The following HS1BP3 variants were observed in gnomAD, a reference collection of about 807,000 sequenced individuals.
HS1BP3 encodes the protein HCLS1 binding protein 3, also known as HCLS1-binding protein 3.
A neutral mutation model predicts 33.5 loss-of-function variants in HS1BP3; 32 were observed. The ratio of observed to expected loss-of-function variants is 0.95; its 90% CI spans 0.72 to 1.28. The LOEUF is 1.28. HS1BP3 is among the 50% of genes most tolerant of loss of function. HS1BP3 has a pLI of 0.00. For synonymous variants in HS1BP3, 187 were observed against 209.2 expected, an observed-to-expected ratio of 0.89 and a Z score of 0.92; for missense variants, 486 against 502.3, an observed-to-expected ratio of 0.97 and a Z score of 0.31.
rs866062041 is a variant in HS1BP3 at position 20,599,650 on chromosome 2, T to A, written c.179-1385A>T. 3.8e-3 allele frequency among the ~76,000 whole-genome samples: 424 copies of A among 110,960 alleles called. 4 individuals are homozygous for A. Among genetic ancestry groups the A allele is most frequent in the African/African-American group, 0.014 (398 of 27,768 alleles). 72.8% of individuals were successfully genotyped at this position (110,960 alleles called of 152,430 possible). A position where few individuals can be genotyped will look rare whatever the true frequency, so the allele number is the denominator to read the frequency against. Reference sequence around the variant, plus strand: ...CACACACACACACACACACACACACTCTGTTTTTTTTTTTTTAAAGATCTG... The same window carrying A: ...CACACACACACACACACACACACACACTGTTTTTTTTTTTTTAAAGATCTG... On this transcript the variant is annotated intron_variant, in intron 2 of 3. Transcript: ENST00000415264.
At chr2:20,615,355 A>G (rs542836035), downstream of HS1BP3, among the ~76,000 whole-genome samples, 1 of 152,322 alleles carries the variant, frequency 6.6e-6, no homozygotes, top group East Asian at 1.9e-4. Flanking sequence ...GCCAGTCCCT[A>G]CTGCTCCTCC....
intron 2 of HS1BP3, among the ~76,000 whole-genome samples, chr2:20,612,487 C>T (rs73235057): frequency 0.014 from 2,113 of 152,286 alleles, 39 homozygotes; most frequent in African/African-American, 0.047. Context: ...TTAGTTCCAA[C>T]CTCTGCTTGA....
At chr2:20,588,944 C>T (rs80227068), downstream of HS1BP3, among the ~76,000 whole-genome samples, 2,714 of 152,290 alleles carry the variant, frequency 0.018, 75 homozygotes, top group African/African-American at 0.059. Context: ...CCAGGGCGTT[C>T]GTGCTTGTCT....
intron 5 of HS1BP3, among the ~76,000 whole-genome samples, chr2:20,571,896 C>T (rs995914427): frequency 6.6e-6 from 1 of 152,234 alleles, no homozygotes; most frequent in Non-Finnish European, 1.5e-5. Context: ...CCTGCCTGCT[C>T]TTCTCCAGCA....
At chr2:20,595,521 C>G (rs921601) in intron 3 of HS1BP3, among the ~76,000 whole-genome samples, 129,194 of 152,180 alleles carry the variant, frequency 0.85, 55,296 homozygotes, top group Admixed American at 0.91. Flanking sequence ...GGGAGGGTTT[C>G]GGCTGGGCCT....
Position 20,598,256 on chromosome 2 carries a change from A to G in HS1BP3, c.189T>C (p.His63=), listed in dbSNP as rs143906459. The change falls in exon 3 of 4, where the codon CAT becomes CAC. Residue 63 remains histidine, a synonymous_variant. Transcript: ENST00000415264. Reference sequence around the variant, plus strand: ...CCTGAGCTTGTTTGCCTGCAACTAGATGGTCCCACCTTCAGGGGATGAGAG... The same window carrying G: ...CCTGAGCTTGTTTGCCTGCAACTAGGTGGTCCCACCTTCAGGGGATGAGAG... The G allele has an allele frequency of 2.5e-3, 1,086 of 428,844 alleles. 3 individuals carry two copies. The highest frequency in any genetic ancestry group is 4.1e-3 in the Non-Finnish European group (858 of 209,080). 26.6% of individuals were successfully genotyped at this position (428,844 alleles called of 1,614,324 possible). A position where few individuals can be genotyped will look rare whatever the true frequency, so the allele number is the denominator to read the frequency against.
At chr2:20,591,802 A>G (rs558511799), downstream of HS1BP3, among the ~76,000 whole-genome samples, 1 of 152,202 alleles carries the variant, frequency 6.6e-6, no homozygotes, top group East Asian at 1.9e-4. Flanking sequence ...GGCCTCAAGC[A>G]ATCTGCCCAC....
chr2:20,621,941 G>A (rs1694613186), intron 6 of HS1BP3, among the ~76,000 whole-genome samples: 1 of 152,222 alleles, frequency 6.6e-6, no homozygotes, highest in Admixed American at 6.5e-5. Context: ...CCCAGCTGGT[G>A]TGAGGTCAAC....
chr2:20,639,726 C>T (rs1037306202), intron 3 of HS1BP3, among the ~76,000 whole-genome samples: 1 of 152,222 alleles, frequency 6.6e-6, no homozygotes, highest in African/African-American at 2.4e-5. Flanking sequence ...TACTGTACAT[C>T]CATCTTGCAG....
chr2:20,622,804 C>T (rs11676170), intron 6 of HS1BP3: 28,447 of 166,672 alleles, frequency 0.17, 2,759 homozygotes, highest in Non-Finnish European at 0.21. Flanking sequence ...TCTTCCAGCC[C>T]GCTGGGATGT....
rs902212780 is a variant in HS1BP3 at position 20,618,985 on chromosome 2, G to C, written c.*2C>G. The C allele has an allele frequency of 6.2e-7, 1 of 1,612,988 alleles. No individual in the cohort carries two copies. Among genetic ancestry groups the C allele is most frequent in the South Asian group, 1.1e-5 (1 of 90,888 alleles). ...GCTGGGCCAGGGGCCAGCATGGAAGGGTCAGAAGAGGCTGGGGGCGGCCTG... is the reference window on the plus strand; with the variant it reads ...GCTGGGCCAGGGGCCAGCATGGAAGCGTCAGAAGAGGCTGGGGGCGGCCTG... On this transcript the variant is annotated 3_prime_UTR_variant, in exon 7 of 7. Coordinates refer to ENST00000304031, the MANE Select transcript of HS1BP3 (RefSeq NM_022460.4).
chr2:20,583,075 A>G (rs1693573375), intron 5 of HS1BP3, among the ~76,000 whole-genome samples: 2 of 152,070 alleles, frequency 1.3e-5, no homozygotes, highest in Non-Finnish European at 2.9e-5. Flanking sequence ...AGCCACCCCC[A>G]GCCTCTGCTC....
At chr2:20,626,073 A>T (rs956249620) in intron 4 of HS1BP3, among the ~76,000 whole-genome samples, 1 of 152,196 alleles carries the variant, frequency 6.6e-6, no homozygotes, top group African/African-American at 2.4e-5. Flanking sequence ...TGAGGTCACC[A>T]TCTGAGCTCA....
intron 2 of HS1BP3, among the ~76,000 whole-genome samples, chr2:20,599,982 TGCGA>T (rs1558329234): frequency 6.6e-6 from 1 of 152,132 alleles, no homozygotes; most frequent in Admixed American, 6.5e-5. Context: ...TGATTCCAGA[TGCGA>T]GCCCTCAGGG....
At chr2:20,583,414 G>A (rs1572303633) in intron 5 of HS1BP3, among the ~76,000 whole-genome samples, 1 of 141,162 alleles carries the variant, frequency 7.1e-6, no homozygotes, top group East Asian at 1.9e-4. Context: ...GGAGAGCCAG[G>A]CAGGAACCAG....
At chr2:20,554,334 C>T in the HS1BP3 span, among the ~76,000 whole-genome samples, 1 of 152,196 alleles carries the variant, frequency 6.6e-6, no homozygotes, top group African/African-American at 2.4e-5. Context: ...TAGCCTGACA[C>T]ACGCTCCTAA....
Position 20,602,686 on chromosome 2 carries a change from G to A in HS1BP3, c.179-4421C>T, listed in dbSNP as rs144183871. ...TATTGTTTTTAAAAACTGGAAAGTC[G>A]ATGACACCAAAAGCACAAGCCCATG... is the stretch of plus-strand genomic sequence containing the variant. On this transcript the variant is annotated intron_variant, in intron 2 of 3. Coordinates refer to the HS1BP3 transcript ENST00000415264. 5.1e-3 allele frequency among the ~76,000 whole-genome samples: 782 copies of A among 152,184 alleles called. 7 individuals carry two copies. The highest frequency in any genetic ancestry group is 0.018 in the African/African-American group (746 of 41,524).
chr2:20,625,687 C>T (rs1166732629), intron 4 of HS1BP3, among the ~76,000 whole-genome samples: 1 of 152,226 alleles, frequency 6.6e-6, no homozygotes, highest in Non-Finnish European at 1.5e-5. Flanking sequence ...TTACAGTGCA[C>T]TTGCCGACTG....
At chr2:20,630,893 G>T (rs949150425) in intron 4 of HS1BP3, among the ~76,000 whole-genome samples, 1 of 152,216 alleles carries the variant, frequency 6.6e-6, no homozygotes, top group Non-Finnish European at 1.5e-5. Flanking sequence ...TGCATGGAGG[G>T]AGGGTCTGTG....
Sources: allele counts gnomAD v4.1 joint callset (sites outside exome capture counted in the v4.1 genomes callset), GRCh38; gene constraint gnomAD v4.1.1; transcripts MANE v1.5; gene names NCBI Gene and HGNC (gene_info 2026-07-23, HGNC 2026-07-21).